Variants in NALF1 observed in about 807,000 individuals in gnomAD.
NALF1 encodes family with sequence similarity 155 member A.
In NALF1, 3 loss-of-function variants were observed where a neutral mutation model predicts 48.4. That is an observed-to-expected ratio of 0.06 (90% CI 0.03 to 0.16). The LOEUF (loss-of-function observed/expected upper bound fraction) is 0.16. NALF1 is among the 10% of genes least tolerant of loss of function. The pLI, the probability that NALF1 is intolerant of heterozygous loss-of-function variation, is 1.00. For missense variants in NALF1, 526 were observed against 571.5 expected, an observed-to-expected ratio of 0.92 and a Z score of 0.81; for synonymous variants, 262 against 245.7, an observed-to-expected ratio of 1.07 and a Z score of -0.62.
At chr13:107,261,494 CT>C (rs1310715292) in intron 1 of NALF1, among the ~76,000 whole-genome samples, 18 of 152,328 alleles carry the variant, frequency 1.2e-4, no homozygotes, top group African/African-American at 4.3e-4. Context: ...TGCCCCCGTC[CT>C]CAAATCCTGA....
At chr13:107,778,418 T>C (rs868482196) in intron 1 of NALF1, among the ~76,000 whole-genome samples, 3 of 152,146 alleles carry the variant, frequency 2.0e-5, no homozygotes, top group Non-Finnish European at 2.9e-5. Flanking sequence ...ACTGGGAATA[T>C]TGAACTTGAA....
At chr13:107,837,489 T>G (rs907418830) in intron 1 of NALF1, among the ~76,000 whole-genome samples, 1 of 152,156 alleles carries the variant, frequency 6.6e-6, no homozygotes, top group Non-Finnish European at 1.5e-5. Flanking sequence ...GATGAACTGC[T>G]AGAATTTTCC....
Position 107,210,823 on chromosome 13 carries a change from G to A in NALF1, c.916-68C>T, listed in dbSNP as rs143800033. 1,735 of 1,124,878 alleles carry A rather than the reference G, an allele frequency of 1.5e-3. 4 individuals carry two copies. Among genetic ancestry groups the A allele is most frequent in the Non-Finnish European group, 2.1e-3 (1,536 of 748,646 alleles). 69.7% of individuals were successfully genotyped at this position (1,124,878 alleles called of 1,614,324 possible). ...AGTTACAGTGATAGAGGCACTGTGA[G>A]AAGCGTGCAAGCGTGCTGTGGTTTC... On this transcript the variant is annotated intron_variant, in intron 1 of 2. Coordinates refer to ENST00000375915, the MANE Select transcript of NALF1 (RefSeq NM_001080396.3).
chr13:107,562,112 T>C (rs1283681686), intron 1 of NALF1, among the ~76,000 whole-genome samples: 1 of 152,218 alleles, frequency 6.6e-6, no homozygotes, highest in Non-Finnish European at 1.5e-5. Context: ...TGACCTTGCC[T>C]TGACATCTTG....
intron 1 of NALF1, among the ~76,000 whole-genome samples, chr13:107,614,864 G>A (rs890771692): frequency 5.3e-5 from 8 of 150,220 alleles, no homozygotes; most frequent in Non-Finnish European, 1.0e-4. Flanking sequence ...TGAAACTTCC[G>A]CCTCTCGGTT....
At chr13:107,394,786 T>C (rs1467170144) in intron 1 of NALF1, among the ~76,000 whole-genome samples, 1 of 151,962 alleles carries the variant, frequency 6.6e-6, no homozygotes, top group Non-Finnish European at 1.5e-5. Context: ...AATATATGGA[T>C]CATGTTGAGT....
chr13:107,352,788 C>T (rs1882899928), intron 1 of NALF1, among the ~76,000 whole-genome samples: 1 of 152,078 alleles, frequency 6.6e-6, no homozygotes, highest in Non-Finnish European at 1.5e-5. Context: ...TTGTCTTGTC[C>T]CAGCCACCCC....
At chr13:107,744,776 G>GT (rs1187903103) in intron 1 of NALF1, among the ~76,000 whole-genome samples, 1 of 152,120 alleles carries the variant, frequency 6.6e-6, no homozygotes, top group African/African-American at 2.4e-5. Flanking sequence ...ATTTATACAG[G>GT]TTTTTTTGGC....
At position 107,168,656 on chromosome 13, in the gene NALF1, A is replaced by G. The variant is rs1878719451; in HGVS notation, c.*1841T>C. 6.5e-6 allele frequency: 1 copy of G among 152,678 alleles called. No homozygotes were observed. The highest frequency in any genetic ancestry group is 6.5e-5 in the Admixed American group (1 of 15,294). The allele number at this position is 152,678 out of a possible 1,614,324, so 9.5% of individuals were successfully genotyped here. A position where few individuals can be genotyped will look rare whatever the true frequency, so the allele number is the denominator to read the frequency against. Reference sequence around the variant, plus strand: ...TGTGCATGTACTGCTAAACAATTCTAGCAATTTTATTAAGCAATACCTTTA... The same window carrying G: ...TGTGCATGTACTGCTAAACAATTCTGGCAATTTTATTAAGCAATACCTTTA... On this transcript the variant is annotated 3_prime_UTR_variant, in exon 3 of 3. Transcript: ENST00000375915.
intron 1 of NALF1, among the ~76,000 whole-genome samples, chr13:107,546,873 G>A (rs1463397662): frequency 1.3e-5 from 2 of 152,080 alleles, no homozygotes; most frequent in South Asian, 2.1e-4. Context: ...CCATTTTATG[G>A]TATTGGAGGA....
At chr13:107,228,539 C>A (rs1880154456) in intron 1 of NALF1, among the ~76,000 whole-genome samples, 1 of 152,136 alleles carries the variant, frequency 6.6e-6, no homozygotes, top group Non-Finnish European at 1.5e-5. Flanking sequence ...CAAACATATG[C>A]CAAGAAATAA....
intron 1 of NALF1, among the ~76,000 whole-genome samples, chr13:107,614,407 T>C (rs781630086): frequency 2.0e-5 from 3 of 152,302 alleles, no homozygotes; most frequent in Admixed American, 2.0e-4. Context: ...AAGACACAGT[T>C]TGCATCTTAG....
chr13:107,553,263 T>C (rs554338602), intron 1 of NALF1, among the ~76,000 whole-genome samples: 7 of 152,342 alleles, frequency 4.6e-5, no homozygotes, highest in African/African-American at 1.4e-4. Flanking sequence ...TTGTAATGAA[T>C]GTACTTCACA....
At chr13:107,592,307 A>G (rs1034522009) in intron 1 of NALF1, among the ~76,000 whole-genome samples, 1 of 151,938 alleles carries the variant, frequency 6.6e-6, no homozygotes, top group Non-Finnish European at 1.5e-5. Flanking sequence ...AAATCTCATT[A>G]ATCTGTGGAA....
At chr13:107,691,990 T>A (rs1881578643) in intron 1 of NALF1, among the ~76,000 whole-genome samples, 1 of 152,196 alleles carries the variant, frequency 6.6e-6, no homozygotes, top group South Asian at 2.1e-4. Flanking sequence ...AATATATTGT[T>A]CTTGTTCAAT....
intron 1 of NALF1, among the ~76,000 whole-genome samples, chr13:107,645,215 A>C (rs1003472040): frequency 9.2e-5 from 14 of 152,302 alleles, no homozygotes; most frequent in African/African-American, 3.4e-4. Context: ...ATTGCTGACA[A>C]CACCACAAGC....
chr13:107,235,359 TA>T (rs953565544), intron 1 of NALF1, among the ~76,000 whole-genome samples: 6 of 151,884 alleles, frequency 4.0e-5, no homozygotes, highest in Admixed American at 6.6e-5. Context: ...TCTTTTTTTT[TA>T]AAAAAAGCCA....
At chr13:107,818,816 G>GA (rs1879260985) in intron 1 of NALF1, among the ~76,000 whole-genome samples, 1 of 132,302 alleles carries the variant, frequency 7.6e-6, no homozygotes, top group Non-Finnish European at 1.5e-5. Context: ...AGCTTGCAGT[G>GA]AGCCGAGATC....
intron 1 of NALF1, among the ~76,000 whole-genome samples, chr13:107,577,287 C>T (rs979380274): frequency 6.6e-6 from 1 of 152,170 alleles, no homozygotes; most frequent in African/African-American, 2.4e-5. Context: ...AGGTGAAACA[C>T]AAGGCAAGCA....
Sources: allele counts gnomAD v4.1 joint callset (sites outside exome capture counted in the v4.1 genomes callset), GRCh38; gene constraint gnomAD v4.1.1; transcripts MANE v1.5; gene names NCBI Gene and HGNC (gene_info 2026-07-23, HGNC 2026-07-21).